The following LIFR variants were observed in gnomAD, a reference collection of about 807,000 sequenced individuals.
The protein encoded by LIFR is leukemia inhibitory factor receptor.
Under a neutral mutation model 122.2 loss-of-function variants are expected in LIFR, and 84 were observed. That is an observed-to-expected ratio of 0.69 (90% CI 0.58 to 0.82). LIFR has a LOEUF of 0.82. Among genes scored for constraint, LIFR ranks in the 40% least tolerant of loss-of-function variants. The pLI is 0.00. For synonymous variants in LIFR, 422 were observed against 434.7 expected, an observed-to-expected ratio of 0.97 and a Z score of 0.36; for missense variants, 1,294 against 1,311.6, an observed-to-expected ratio of 0.99 and a Z score of 0.21.
At position 38,533,277 on chromosome 5, in the gene LIFR, T is replaced by C. The variant is rs116049759; in HGVS notation, c.-19-2611A>G. ...AGGACTTAAAAAGTCAATAAACCCT[T>C]CTGCTAAAGAAAAGTAATCATGCAG... On this transcript the variant is annotated intron_variant, in intron 1 of 19. Coordinates refer to ENST00000453190, the MANE Select transcript of LIFR (RefSeq NM_001127671.2). 6.9e-3 allele frequency among the ~76,000 whole-genome samples: 1,044 copies of C among 152,332 alleles called. 6 individuals are homozygous for C. The highest frequency in any genetic ancestry group is 0.01 in the Non-Finnish European group (714 of 68,026).
At chr5:38,484,702 A>G (rs372765316) in intron 18 of LIFR, 73 bp downstream of exon 18, 2 of 984,162 alleles carry the variant, frequency 2.0e-6, no homozygotes, top group South Asian at 2.7e-5. Flanking sequence ...TATTTAATAC[A>G]TAAACTAATC....
Position 38,502,668 on chromosome 5 carries a change from G to C in LIFR, c.1569C>G (p.Ser523Arg). 6.2e-7 allele frequency: 1 copy of C among 1,613,158 alleles called. No individual in the cohort carries two copies. Among genetic ancestry groups the C allele is most frequent in the African/African-American group, 1.3e-5 (1 of 74,928 alleles). The change falls in exon 11 of 20, where the codon AGC (serine) becomes AGG (arginine). Residue 523 changes from serine to arginine, a missense_variant. By Grantham distance (110) the Ser-to-Arg change is moderately radical. Coordinates refer to ENST00000453190, the MANE Select transcript of LIFR (RefSeq NM_001127671.2). ...CTGTTGTTAAATGTTGTTTTTTATT[G>C]CTCCATTTGCTCCATTTCCAGAAAG... is the stretch of plus-strand genomic sequence containing the variant. The part of the protein sequence containing the change: ...TETFWKWSKW[S>R]NKKQHLTTEA...
chr5:38,499,968 A>G (rs912153117), intron 11 of LIFR, among the ~76,000 whole-genome samples: 1 of 152,040 alleles, frequency 6.6e-6, no homozygotes, highest in Non-Finnish European at 1.5e-5. Context: ...CTCTTCTCCT[A>G]GATAAAAACA....
chr5:38,532,751 C>G (rs185665353), intron 1 of LIFR, among the ~76,000 whole-genome samples: 1 of 152,326 alleles, frequency 6.6e-6, no homozygotes, highest in East Asian at 1.9e-4. Context: ...AATGGACTTA[C>G]TGTGGGCCAG....
chr5:38,602,576 A>T (rs1044112484), intron 2 of LIFR, among the ~76,000 whole-genome samples: 1 of 151,916 alleles, frequency 6.6e-6, no homozygotes, highest in Admixed American at 6.6e-5. Flanking sequence ...CTAAATTCTA[A>T]TTCCTTGTTT....
intron 1 of LIFR, among the ~76,000 whole-genome samples, chr5:38,584,680 A>G (rs917905920): frequency 5.3e-4 from 81 of 152,154 alleles, no homozygotes; most frequent in African/African-American, 2.0e-3. Context: ...ATAGACAAGG[A>G]GAATGAAACA....
chr5:38,501,197 T>C (rs1317492821), intron 11 of LIFR, among the ~76,000 whole-genome samples: 3 of 152,200 alleles, frequency 2.0e-5, no homozygotes, highest in African/African-American at 4.8e-5. Context: ...TTAGGGTAAT[T>C]TGTTGCACAG....
Position 38,484,866 on chromosome 5 carries a change from C to T in LIFR, c.2500G>A (p.Val834Met), listed in dbSNP as rs771881532. ...ATGAGAATGGCAATAATTAATCCCA[C>T]AGCTGAAACGAGAGTATTGCAAATA... is the stretch of plus-strand genomic sequence containing the variant. ...SMYVVTKENS[V>M]GLIIAILIPV... Residue 834 changes from valine (V) to methionine (M), a missense_variant and splice_region_variant, in exon 18 of 20, where the codon GTG becomes ATG. Transcript: ENST00000453190. 2 of 1,607,588 alleles carry T rather than the reference C, an allele frequency of 1.2e-6. No individual in the cohort carries two copies. Among genetic ancestry groups the T allele is most frequent in the South Asian group, 1.1e-5 (1 of 90,820 alleles).
At chr5:38,604,130 G>C (rs1750276832) in intron 2 of LIFR, among the ~76,000 whole-genome samples, 2 of 152,178 alleles carry the variant, frequency 1.3e-5, no homozygotes, top group Non-Finnish European at 2.9e-5. Context: ...CAAATGTGGT[G>C]ACCCAGAGCC....
chr5:38,543,762 A>T (rs547096336), intron 1 of LIFR, among the ~76,000 whole-genome samples: 88 of 152,276 alleles, frequency 5.8e-4, no homozygotes, highest in Non-Finnish European at 9.1e-4. Flanking sequence ...TAATTTCTCA[A>T]TCATGTTAAT....
Position 38,485,952 on chromosome 5 carries a change from A to G in LIFR, c.2364T>C (p.Ile788=). ...SGRSDIKVKN[I]TDISQKTLRI... is the part of the protein sequence containing the mutation. ...TCAGTGTCTTCTGGGATATGTCAGT[A>G]ATATTCTTAACTTTTATGTCAGAAC... Residue 788 remains isoleucine, a synonymous_variant, in exon 17 of 20, where the codon ATT becomes ATC. Coordinates refer to ENST00000453190, the MANE Select transcript of LIFR (RefSeq NM_001127671.2). 1 of 1,613,642 alleles carries G rather than the reference A, an allele frequency of 6.2e-7. No homozygotes were observed. The highest frequency in any genetic ancestry group is 8.5e-7 in the Non-Finnish European group (1 of 1,179,526).
intron 1 of LIFR, chr5:38,554,997 T>C (rs1748438712): frequency 6.6e-6 from 1 of 152,190 alleles, no homozygotes; most frequent in East Asian, 1.9e-4. Flanking sequence ...GCTAGTGATC[T>C]CACTCACCTA....
chr5:38,582,416 A>C (rs147679810), intron 1 of LIFR, among the ~76,000 whole-genome samples: 1 of 152,152 alleles, frequency 6.6e-6, no homozygotes, highest in East Asian at 1.9e-4. Context: ...TTTTTTCTCC[A>C]TGTTCACTAA....
At chr5:38,502,109 G>C (rs1346968373) in intron 11 of LIFR, among the ~76,000 whole-genome samples, 1 of 151,752 alleles carries the variant, frequency 6.6e-6, no homozygotes, top group Non-Finnish European at 1.5e-5. Context: ...AGATAGAGGA[G>C]CCCTGGCTTT....
Position 38,484,857 on chromosome 5 carries a change from T to A in LIFR, c.2509A>T (p.Ile837Phe), listed in dbSNP as rs768165511. 2 of 1,611,486 alleles carry A rather than the reference T, an allele frequency of 1.2e-6. No individual in the cohort carries two copies. The highest frequency in any genetic ancestry group is 1.7e-6 in the Non-Finnish European group (2 of 1,177,866). ...VVTKENSVGL[I>F]IAILIPVAVA... ...GCCACTGGGATGAGAATGGCAATAA[T>A]TAATCCCACAGCTGAAACGAGAGTA... The change falls in exon 18 of 20, where the codon ATT (isoleucine) becomes TTT (phenylalanine). Residue 837 changes from isoleucine (I) to phenylalanine (F), a missense_variant. Transcript: ENST00000453190.
chr5:38,545,883 A>G (rs1399854363), intron 1 of LIFR, among the ~76,000 whole-genome samples: 3 of 151,636 alleles, frequency 2.0e-5, no homozygotes, highest in Admixed American at 2.0e-4. Context: ...AAAAAAAAAA[A>G]AAAAGAAAAA....
intron 5 of LIFR, among the ~76,000 whole-genome samples, chr5:38,522,747 T>C (rs1746470643): frequency 6.6e-6 from 1 of 152,212 alleles, no homozygotes; most frequent in African/African-American, 2.4e-5. Flanking sequence ...TTTTTTATTA[T>C]CTTTACTATT....
At position 38,480,030 on chromosome 5, in the gene LIFR, G is replaced by T; in HGVS notation, c.*1565C>A. ...CACTCTGGCTTTTTTCCACAACATG[G>T]TTTTTAAAAAGATACAATATGAGCT... On this transcript the variant is annotated 3_prime_UTR_variant, in exon 20 of 20. Transcript: ENST00000453190. 4.5e-6 allele frequency: 1 copy of T among 220,738 alleles called. No individual in the cohort carries two copies. Among genetic ancestry groups the T allele is most frequent in the Non-Finnish European group, 9.0e-6 (1 of 110,582 alleles). 13.7% of individuals were successfully genotyped at this position (220,738 alleles called of 1,614,324 possible).
chr5:38,552,577 GA>G (rs1748261556), intron 1 of LIFR, among the ~76,000 whole-genome samples: 2 of 152,076 alleles, frequency 1.3e-5, no homozygotes, highest in South Asian at 4.2e-4. Flanking sequence ...CTATTCCACG[GA>G]AATAAAAGAT....
Sources: allele counts gnomAD v4.1 joint callset (sites outside exome capture counted in the v4.1 genomes callset), GRCh38; gene constraint gnomAD v4.1.1; transcripts MANE v1.5; gene names NCBI Gene and HGNC (gene_info 2026-07-23, HGNC 2026-07-21).